PARVA: variants seen among roughly 807,000 people sequenced by gnomAD.
PARVA encodes alpha-parvin.
A neutral mutation model predicts 52.6 loss-of-function variants in PARVA; 25 were observed. That is an observed-to-expected ratio of 0.48 (90% confidence interval 0.35 to 0.66). PARVA has a LOEUF of 0.66. PARVA is among the 30% of genes least tolerant of loss of function. The probability of loss-of-function intolerance (pLI) is 0.01; values close to 1 mark genes in which losing one functional copy is unlikely to be tolerated. For missense variants in PARVA, 373 were observed against 450.9 expected, an observed-to-expected ratio of 0.83 and a Z score of 1.56; for synonymous variants, 185 against 179.1, an observed-to-expected ratio of 1.03 and a Z score of -0.26.
chr11:12,426,655 A>C (rs756789095), intron 1 of PARVA, among the ~76,000 whole-genome samples: 20 of 152,204 alleles, frequency 1.3e-4, no homozygotes, highest in Admixed American at 2.0e-4. Context: ...CAAGGCCCAG[A>C]GATGTTAAGC....
intron 12 of PARVA, among the ~76,000 whole-genome samples, chr11:12,525,217 G>A (rs1201837556): frequency 6.6e-6 from 1 of 152,190 alleles, no homozygotes; most frequent in Non-Finnish European, 1.5e-5. Context: ...GACCTTCTAA[G>A]GGAAATAGTT....
At chr11:12,435,274 TTTC>T (rs1940371622) in intron 1 of PARVA, among the ~76,000 whole-genome samples, 1 of 152,172 alleles carries the variant, frequency 6.6e-6, no homozygotes, top group African/African-American at 2.4e-5. Context: ...GACTCTCCCT[TTTC>T]TTCTTAAAAA....
chr11:12,483,336 T>G (rs188323058), intron 4 of PARVA, among the ~76,000 whole-genome samples: 6 of 152,242 alleles, frequency 3.9e-5, no homozygotes, highest in Admixed American at 3.9e-4. Flanking sequence ...ATATAGAAGG[T>G]GACCTTAAAA....
At chr11:12,448,172 G>A (rs757833382) in intron 1 of PARVA, among the ~76,000 whole-genome samples, 3 of 152,138 alleles carry the variant, frequency 2.0e-5, no homozygotes, top group Admixed American at 6.5e-5. Flanking sequence ...GATTTTGGTC[G>A]TGTTGCAGCA....
At chr11:12,474,081 A>G in intron 3 of PARVA, 98 bp downstream of exon 3, 1 of 933,430 alleles carries the variant, frequency 1.1e-6, no homozygotes. Context: ...CCCCTGAGAG[A>G]AGGTAAAAAG....
chr11:12,443,159 C>T (rs1265442974), intron 1 of PARVA, among the ~76,000 whole-genome samples: 4 of 131,394 alleles, frequency 3.0e-5, no homozygotes, highest in Admixed American at 8.6e-5. Context: ...CCATGCCCGG[C>T]GCCCCCCTTC....
At chr11:12,400,199 C>T (rs570705226) in intron 1 of PARVA, among the ~76,000 whole-genome samples, 5 of 152,262 alleles carry the variant, frequency 3.3e-5, no homozygotes, top group African/African-American at 1.2e-4. Flanking sequence ...ATGAGAGTGC[C>T]TATTTAACTA....
intron 7 of PARVA, among the ~76,000 whole-genome samples, chr11:12,510,070 T>C (rs1941486855): frequency 1.3e-5 from 2 of 152,190 alleles, no homozygotes; most frequent in Non-Finnish European, 2.9e-5. Flanking sequence ...TAAACATGGA[T>C]GCAATGTCCT....
At position 12,523,221 on chromosome 11, in the gene PARVA, C is replaced by T. The variant is rs934408993; in HGVS notation, c.1043-4628C>T. ...AGCATCTGTACAGCATGGATCCTGC[C>T]CCGGTGGGGAATAGAGAGCAGGTAG... On this transcript the variant is annotated intron_variant, in intron 12 of 12. Transcript: ENST00000334956. Among the ~76,000 whole-genome samples, 24 of 152,082 alleles carry T rather than the reference C, an allele frequency of 1.6e-4. 1 individual carries two copies. The highest frequency in any genetic ancestry group is 4.8e-5 in the African/African-American group (2 of 41,390).
intron 1 of PARVA, among the ~76,000 whole-genome samples, chr11:12,466,118 C>A (rs1476963701): frequency 2.6e-5 from 4 of 152,074 alleles, no homozygotes; most frequent in Non-Finnish European, 5.9e-5. Flanking sequence ...CTCTCATATG[C>A]CTCTTTGCTA....
At chr11:12,484,242 C>T (rs1185498524) in intron 4 of PARVA, among the ~76,000 whole-genome samples, 1 of 152,172 alleles carries the variant, frequency 6.6e-6, no homozygotes, top group African/African-American at 2.4e-5. Flanking sequence ...CCACTGCCTG[C>T]TTCTTATTGA....
intron 1 of PARVA, among the ~76,000 whole-genome samples, chr11:12,463,976 CTTTTTT>C (rs71037069): frequency 7.4e-6 from 1 of 135,544 alleles, no homozygotes; most frequent in Non-Finnish European, 1.5e-5. Flanking sequence ...GACATCCCTC[CTTTTTT>C]TTTTTTTTTT....
intron 4 of PARVA, among the ~76,000 whole-genome samples, chr11:12,483,741 C>T (rs934418794): frequency 1.4e-4 from 21 of 152,188 alleles, no homozygotes; most frequent in Admixed American, 1.3e-3. Context: ...ACAGCAACCC[C>T]GCTGTGGGGA....
rs942772714 is a variant in PARVA at position 12,531,886 on chromosome 11, C to T, written c.*3961C>T. ...ACCTATGGGACCTGCCTCCACACAT[C>T]AGCTTCCCAAATACTTGCAGATTTG... On this transcript the variant is annotated 3_prime_UTR_variant, in exon 13 of 13. Coordinates refer to ENST00000334956, the MANE Select transcript of PARVA (RefSeq NM_018222.5). 5.3e-5 allele frequency among the ~76,000 whole-genome samples: 8 copies of T among 152,126 alleles called. No individual in the cohort carries two copies. Among genetic ancestry groups the T allele is most frequent in the African/African-American group, 1.7e-4 (7 of 41,404 alleles).
At chr11:12,391,816 G>C (rs539031060) in intron 1 of PARVA, among the ~76,000 whole-genome samples, 16 of 152,344 alleles carry the variant, frequency 1.1e-4, no homozygotes, top group Admixed American at 3.3e-4. Context: ...AAGTCCAGAG[G>C]AGAGGTGGTC....
intron 1 of PARVA, among the ~76,000 whole-genome samples, chr11:12,443,285 C>T (rs1323007406): frequency 6.8e-6 from 1 of 147,930 alleles, no homozygotes; most frequent in African/African-American, 2.5e-5. Flanking sequence ...GATTCCCTTG[C>T]CTCAGCCTCC....
At chr11:12,377,432 C>T, upstream of PARVA, 1 of 1,376,336 alleles carries the variant, frequency 7.3e-7, no homozygotes, top group Non-Finnish European at 9.3e-7. Flanking sequence ...AAGGCGCGGC[C>T]CCGGGAGCGC....
At chr11:12,418,277 G>A (rs1173485820) in intron 1 of PARVA, among the ~76,000 whole-genome samples, 1 of 152,180 alleles carries the variant, frequency 6.6e-6, no homozygotes, top group Non-Finnish European at 1.5e-5. Context: ...GGTGATGTGA[G>A]TTTTGTTCCC....
At chr11:12,484,949 G>C (rs1321419087) in intron 4 of PARVA, among the ~76,000 whole-genome samples, 1 of 151,882 alleles carries the variant, frequency 6.6e-6, no homozygotes, top group Non-Finnish European at 1.5e-5. Flanking sequence ...AGGTAGCTGG[G>C]ATCACAGGTG....
Sources: gnomAD v4.1 joint callset for allele counts (sites outside exome capture counted in the v4.1 genomes callset) on GRCh38, gnomAD v4.1.1 for gene constraint, MANE v1.5 for transcripts, NCBI Gene and HGNC (gene_info 2026-07-23, HGNC 2026-07-21) for gene names.